PRR5: variants seen among roughly 807,000 people sequenced by gnomAD.
The protein encoded by PRR5 is proline-rich protein 5.
Under a neutral mutation model 30.6 loss-of-function variants are expected in PRR5, and 25 were observed. That is an observed-to-expected ratio of 0.82 (90% CI 0.60 to 1.14). PRR5 has a LOEUF of 1.14. PRR5 is among the 50% of genes most tolerant of loss of function. The pLI is 0.00. For missense variants in PRR5, 600 were observed against 547.1 expected, an observed-to-expected ratio of 1.10 and a Z score of -0.96; for synonymous variants, 286 against 247.1, an observed-to-expected ratio of 1.16 and a Z score of -1.48.
intron 1 of PRR5, among the ~76,000 whole-genome samples, chr22:44,710,333 G>A (rs1602019723): frequency 1.3e-5 from 2 of 152,094 alleles, no homozygotes; most frequent in Non-Finnish European, 1.5e-5. Context: ...CTGGGACTTG[G>A]CCTCAGGAGG....
intron 1 of PRR5, among the ~76,000 whole-genome samples, chr22:44,707,962 G>A (rs535397427): frequency 6.6e-6 from 1 of 152,272 alleles, no homozygotes; most frequent in East Asian, 1.9e-4. Context: ...GCCTCGTGCA[G>A]GGCCGGCGAT....
intron 1 of PRR5, among the ~76,000 whole-genome samples, chr22:44,687,422 G>A (rs536584056): frequency 2.2e-4 from 33 of 152,240 alleles, no homozygotes; most frequent in Admixed American, 8.5e-4. Flanking sequence ...CTTTCTCATC[G>A]GTTGGGTTAG....
At chr22:44,701,134 G>T (rs74768165), upstream of PRR5, among the ~76,000 whole-genome samples, 1 of 152,104 alleles carries the variant, frequency 6.6e-6, no homozygotes, top group Non-Finnish European at 1.5e-5. Flanking sequence ...CTCCCACCTC[G>T]GCCTCCCAAA....
intron 1 of PRR5, among the ~76,000 whole-genome samples, chr22:44,705,335 T>C (rs1262166543): frequency 6.6e-6 from 1 of 152,190 alleles, no homozygotes; most frequent in Non-Finnish European, 1.5e-5. Flanking sequence ...CTATTTTTTT[T>C]CCTTTCTTGA....
At chr22:44,726,526 A>T in intron 3 of PRR5, 51 bp from the exon 4 acceptor site, 1 of 1,612,192 alleles carries the variant, frequency 6.2e-7, no homozygotes. Context: ...TGGCCAGGAC[A>T]CCCCCGGGCA....
chr22:44,712,801 G>A (rs1162722014), intron 1 of PRR5, among the ~76,000 whole-genome samples: 1 of 152,270 alleles, frequency 6.6e-6, no homozygotes, highest in East Asian at 1.9e-4. Flanking sequence ...CTGGGTGGGC[G>A]GTGGCTGTTG....
At chr22:44,670,880 G>A (rs1183724476) in intron 1 of PRR5, among the ~76,000 whole-genome samples, 1 of 152,130 alleles carries the variant, frequency 6.6e-6, no homozygotes, top group African/African-American at 2.4e-5. Flanking sequence ...TCTGGGTGCC[G>A]CAAGTTGTGG....
chr22:44,734,763 A>G, intron 6 of PRR5: 3 of 549,782 alleles, frequency 5.5e-6, no homozygotes, highest in Non-Finnish European at 9.7e-6. Context: ...CACCCATCTC[A>G]TCTGGCCACA....
At chr22:44,714,086 A>T (rs1447212122) in intron 1 of PRR5, among the ~76,000 whole-genome samples, 1 of 151,936 alleles carries the variant, frequency 6.6e-6, no homozygotes, top group Admixed American at 6.6e-5. Context: ...TACAGGCGTG[A>T]GCCACCGCGC....
chr22:44,726,442 G>T, intron 3 of PRR5, 135 bp from the exon 4 acceptor site: 1 of 1,293,430 alleles, frequency 7.7e-7, no homozygotes, highest in Middle Eastern at 2.0e-4. Flanking sequence ...CAGGTGGACT[G>T]TGGGACCTCA....
chr22:44,714,702 C>T (rs773515330), intron 2 of PRR5, 31 bp downstream of exon 2: 135 of 1,612,212 alleles, frequency 8.4e-5, no homozygotes, highest in Non-Finnish European at 1.1e-4. Flanking sequence ...GGTCCAGGGT[C>T]CTTGAGTGGC....
chr22:44,721,825 C>G (rs895071416), intron 2 of PRR5, among the ~76,000 whole-genome samples: 3 of 152,266 alleles, frequency 2.0e-5, no homozygotes, highest in African/African-American at 7.2e-5. Context: ...CCCTCCAGCC[C>G]TGACTTGCTG....
intron 3 of PRR5, 75 bp from the exon 4 acceptor site, chr22:44,726,502 C>T (rs1920952061): frequency 4.4e-6 from 7 of 1,607,062 alleles, no homozygotes; most frequent in African/African-American, 1.3e-5. Context: ...TGGATGGACT[C>T]TCGGGGGCCC....
chr22:44,732,923 C>T (rs112297760), intron 6 of PRR5, among the ~76,000 whole-genome samples: 9,997 of 144,460 alleles, frequency 0.069, 516 homozygotes, highest in East Asian at 0.16. Context: ...TACACACGTG[C>T]GCACGCACAT....
At chr22:44,704,998 G>T (rs1926951387) in intron 1 of PRR5, among the ~76,000 whole-genome samples, 1 of 152,164 alleles carries the variant, frequency 6.6e-6, no homozygotes, top group Non-Finnish European at 1.5e-5. Flanking sequence ...CAGGGTCGGG[G>T]ACAGGCGTGT....
In PRR5 at chr22:44,679,861, C is replaced by T. The variant is rs74960825; in HGVS notation, c.-11+2621C>T. 8,070 of 1,589,830 alleles carry T rather than the reference C, an allele frequency of 5.1e-3. 25 individuals carry two copies. The highest frequency in any genetic ancestry group is 5.6e-3 in the Non-Finnish European group (6,497 of 1,169,334). On this transcript the variant is annotated intron_variant, in intron 1 of 8. Coordinates refer to the PRR5 transcript ENST00000006251. ...GGCTCGGGAAGCCCGGAAAAGATGC[C>T]GGCGCAGCCTGAGGGCTTGTACAGG...
At chr22:44,690,702 A>C (rs1012943556) in intron 1 of PRR5, among the ~76,000 whole-genome samples, 8 of 152,184 alleles carry the variant, frequency 5.3e-5, no homozygotes, top group African/African-American at 1.9e-4. Flanking sequence ...ATCGCACTTT[A>C]CTACCCACTG....
intron 4 of PRR5, among the ~76,000 whole-genome samples, chr22:44,728,771 G>A (rs1921336497): frequency 6.6e-6 from 1 of 152,218 alleles, no homozygotes; most frequent in Non-Finnish European, 1.5e-5. Flanking sequence ...TGTCCCTACA[G>A]AGCCTCTACC....
chr22:44,726,001 C>G (rs2016014), intron 3 of PRR5, among the ~76,000 whole-genome samples: 103,640 of 152,000 alleles, frequency 0.68, 36,834 homozygotes, highest in East Asian at 0.89. Flanking sequence ...ATAACACGGC[C>G]TGCGGACTTT....
Sources: allele counts gnomAD v4.1 joint callset (sites outside exome capture counted in the v4.1 genomes callset), GRCh38; gene constraint gnomAD v4.1.1; transcripts MANE v1.5; gene names NCBI Gene and HGNC (gene_info 2026-07-23, HGNC 2026-07-21).